The following PPFIA2 variants were observed in gnomAD, a reference collection of about 807,000 sequenced individuals.
PPFIA2 encodes PPFI scaffold protein A2.
Under a neutral mutation model 175.5 loss-of-function variants are expected in PPFIA2, and 46 were observed. The ratio of observed to expected loss-of-function variants is 0.26; its 90% confidence interval spans 0.21 to 0.34. The LOEUF (loss-of-function observed/expected upper bound fraction) is 0.34. Ranked by LOEUF, PPFIA2 falls within the 10% of genes least tolerant of loss-of-function variation. The pLI, the probability that PPFIA2 is intolerant of heterozygous loss-of-function variation, is 1.00. For missense variants in PPFIA2, 1,179 were observed against 1,506.1 expected, an observed-to-expected ratio of 0.78 and a Z score of 3.60; for synonymous variants, 568 against 511.4, an observed-to-expected ratio of 1.11 and a Z score of -1.49.
chr12:81,311,779 G>A (rs2050962409), intron 22 of PPFIA2, among the ~76,000 whole-genome samples: 1 of 149,980 alleles, frequency 6.7e-6, no homozygotes, highest in South Asian at 2.1e-4. Flanking sequence ...GAAAGGTGGA[G>A]GCAATTCAGA....
chr12:81,438,245 G>A (rs1592983766), intron 7 of PPFIA2, among the ~76,000 whole-genome samples: 1 of 152,138 alleles, frequency 6.6e-6, no homozygotes, highest in Non-Finnish European at 1.5e-5. Context: ...CGAGGCAGGC[G>A]AATCACTAGG....
chr12:81,587,693 A>AT (rs1223748438), intron 4 of PPFIA2, among the ~76,000 whole-genome samples: 1 of 152,050 alleles, frequency 6.6e-6, no homozygotes, highest in Non-Finnish European at 1.5e-5. Context: ...TTATAATAAT[A>AT]TTGTCTGTAT....
At chr12:81,544,112 C>T (rs2066624281) in intron 4 of PPFIA2, among the ~76,000 whole-genome samples, 1 of 152,024 alleles carries the variant, frequency 6.6e-6, no homozygotes, top group South Asian at 2.1e-4. Context: ...TAGTTCTGAC[C>T]AATGTACCAT....
intron 4 of PPFIA2, among the ~76,000 whole-genome samples, chr12:81,500,954 G>A (rs142439722): frequency 8.0e-4 from 122 of 152,204 alleles, no homozygotes; most frequent in African/African-American, 1.7e-3. Flanking sequence ...GGTCAAAACC[G>A]TTGCCAAAAA....
intron 22 of PPFIA2, among the ~76,000 whole-genome samples, chr12:81,307,471 A>C (rs2049565154): frequency 6.6e-6 from 1 of 152,196 alleles, no homozygotes; most frequent in African/African-American, 2.4e-5. Context: ...GCATCTCAAA[A>C]AGAAATAAGA....
chr12:81,567,868 A>C (rs2071667284), intron 4 of PPFIA2, among the ~76,000 whole-genome samples: 1 of 152,186 alleles, frequency 6.6e-6, no homozygotes, highest in Non-Finnish European at 1.5e-5. Context: ...TCGGTGGAAA[A>C]TGTAAACCTT....
chr12:81,717,207 T>C (rs999476718), intron 3 of PPFIA2, among the ~76,000 whole-genome samples: 1 of 151,778 alleles, frequency 6.6e-6, no homozygotes, highest in Admixed American at 6.6e-5. Flanking sequence ...TGAATGATTA[T>C]GGCTGAGTTC....
chr12:81,320,824 A>C (rs930811312), intron 22 of PPFIA2, among the ~76,000 whole-genome samples: 1 of 152,070 alleles, frequency 6.6e-6, no homozygotes, highest in East Asian at 1.9e-4. Flanking sequence ...ATTACTGTTG[A>C]AACAGACATC....
intron 4 of PPFIA2, among the ~76,000 whole-genome samples, chr12:81,643,024 CTA>C (rs1375081474): frequency 6.9e-6 from 1 of 145,246 alleles, no homozygotes; most frequent in Non-Finnish European, 1.5e-5. Flanking sequence ...GTGTATATAT[CTA>C]TGACATTTAT....
intron 3 of PPFIA2, among the ~76,000 whole-genome samples, chr12:81,747,268 A>T (rs936198620): frequency 1.4e-5 from 2 of 144,320 alleles, no homozygotes; most frequent in African/African-American, 4.9e-5. Context: ...TTCACAAAAA[A>T]CAAAGGAGCT....
chr12:81,629,490 T>C (rs2063120620), intron 4 of PPFIA2, among the ~76,000 whole-genome samples: 1 of 152,134 alleles, frequency 6.6e-6, no homozygotes, highest in South Asian at 2.1e-4. Flanking sequence ...CTATACTCAA[T>C]GCCCTCTCTT....
At position 81,270,067 on chromosome 12, in the gene PPFIA2, T is replaced by C. The variant is rs557091670; in HGVS notation, c.3311-1980A>G. ...ACACCACCTGTTCCCCAAAAACCTA[T>C]TGAAATAAAAAAACAATAAATAGTG... On this transcript the variant is annotated intron_variant, in intron 28 of 32. Coordinates refer to ENST00000549396, the MANE Select transcript of PPFIA2 (RefSeq NM_003625.5). Among the ~76,000 whole-genome samples, 234 of 152,276 alleles carry C rather than the reference T, an allele frequency of 1.5e-3. 1 individual carries two copies. The highest frequency in any genetic ancestry group is 5.2e-3 in the African/African-American group (218 of 41,568).
intron 4 of PPFIA2, among the ~76,000 whole-genome samples, chr12:81,612,369 T>C (rs79751352): frequency 0.01 from 1,589 of 152,244 alleles, 31 homozygotes; most frequent in African/African-American, 0.033. Flanking sequence ...ACAGCTACAG[T>C]TAGAGCAGAA....
At chr12:81,721,604 CT>C (rs1423033312) in intron 3 of PPFIA2, among the ~76,000 whole-genome samples, 2 of 151,284 alleles carry the variant, frequency 1.3e-5, no homozygotes, top group African/African-American at 4.8e-5. Context: ...CTTATCCCCC[CT>C]CACCCCTGTT....
At chr12:81,623,639 T>C (rs1419682119) in intron 4 of PPFIA2, among the ~76,000 whole-genome samples, 1 of 152,016 alleles carries the variant, frequency 6.6e-6, no homozygotes, top group East Asian at 1.9e-4. Flanking sequence ...TCCTTATAGT[T>C]GTGTGGGTAA....
chr12:81,617,878 G>GA (rs1207876122), intron 4 of PPFIA2, among the ~76,000 whole-genome samples: 20 of 152,144 alleles, frequency 1.3e-4, no homozygotes, highest in Admixed American at 4.6e-4. Flanking sequence ...GAGAAGTGCA[G>GA]AAAAACATGT....
chr12:81,493,628 G>C (rs2059654570), intron 4 of PPFIA2, among the ~76,000 whole-genome samples: 1 of 151,688 alleles, frequency 6.6e-6, no homozygotes, highest in African/African-American at 2.4e-5. Context: ...AAAAATTGGA[G>C]ATAATGGGCA....
At chr12:81,582,890 G>T (rs2074627825) in intron 4 of PPFIA2, among the ~76,000 whole-genome samples, 1 of 151,706 alleles carries the variant, frequency 6.6e-6, no homozygotes, top group Admixed American at 6.6e-5. Context: ...ATAACATTAA[G>T]CAAAGTACAA....
chr12:81,753,882 A>C (rs574372401), intron 3 of PPFIA2, 91 bp downstream of exon 3: 4 of 1,460,256 alleles, frequency 2.7e-6, no homozygotes, highest in African/African-American at 1.4e-5. Flanking sequence ...ACATATGTTA[A>C]GTGGAAAAGT....
Sources: allele counts gnomAD v4.1 joint callset (sites outside exome capture counted in the v4.1 genomes callset), GRCh38; gene constraint gnomAD v4.1.1; transcripts MANE v1.5; gene names NCBI Gene and HGNC (gene_info 2026-07-23, HGNC 2026-07-21).